The following CCDC50 variants were observed in gnomAD, a reference collection of about 807,000 sequenced individuals.
CCDC50 encodes coiled-coil domain-containing protein 50.
In CCDC50, 54 loss-of-function variants were observed where a neutral mutation model predicts 70.2. The ratio of observed to expected loss-of-function variants is 0.77; its 90% CI spans 0.62 to 0.96. The LOEUF (loss-of-function observed/expected upper bound fraction) is 0.96, where lower values mean the gene tolerates loss of function less well. Ranked by LOEUF, CCDC50 falls within the 50% of genes least tolerant of loss-of-function variation. The probability of loss-of-function intolerance (pLI) is 0.00; values close to 1 mark genes in which losing one functional copy is unlikely to be tolerated. For synonymous variants in CCDC50, 216 were observed against 198.8 expected (o/e 1.09, Z -0.73); for missense variants, 558 against 578.7 (o/e 0.96, Z 0.37).
At chr3:191,331,342 G>C (rs533094504) in intron 1 of CCDC50, among the ~76,000 whole-genome samples, 2 of 152,176 alleles carry the variant, frequency 1.3e-5, no homozygotes, top group East Asian at 3.9e-4. Flanking sequence ...TTACCCTTAG[G>C]TCTTCTGATT....
intron 1 of CCDC50, among the ~76,000 whole-genome samples, chr3:191,354,570 A>C (rs1712212903): frequency 6.6e-6 from 1 of 152,200 alleles, no homozygotes; most frequent in Admixed American, 6.5e-5. Context: ...TGACCTAATA[A>C]CATAAATTGA....
rs781025348 is a variant in CCDC50, at chr3:191,389,611, AGTAT to A, written c.1429+15_1429+18del. On this transcript the variant is annotated intron_variant, in intron 11 of 11. Coordinates refer to ENST00000392455, the MANE Select transcript of CCDC50 (RefSeq NM_178335.3). ...AGAGTCCTCTCATAAAGGTAAGAAGAGTATGTATGGTCAAGTTTAGGATCTTCTT... is the reference window on the plus strand; with the variant it reads ...AGAGTCCTCTCATAAAGGTAAGAAGAGTATGGTCAAGTTTAGGATCTTCTT... The A allele has an allele frequency of 6.3e-6, 10 of 1,588,250 alleles. No individual in the cohort carries two copies. The highest frequency in any genetic ancestry group is 7.8e-6 in the Non-Finnish European group (9 of 1,156,450).
chr3:191,395,836 C>T lies in CCDC50; in HGVS notation c.*4076C>T, dbSNP rs1397512330. The T allele has an allele frequency of 1.3e-5, 2 of 152,136 alleles. No individual in the cohort carries two copies. The highest frequency in any genetic ancestry group is 2.4e-5 in the African/African-American group (1 of 41,440). 9.4% of individuals were successfully genotyped at this position (152,136 alleles called of 1,614,324 possible). A position where few individuals can be genotyped will look rare whatever the true frequency, so the allele number is the denominator to read the frequency against. ...TGACTATATAAAATGGTCCAATTTT[C>T]TCATTTCTGGTGGTGCCTGTGAGTC... On this transcript the variant is annotated 3_prime_UTR_variant, in exon 12 of 12. Coordinates refer to ENST00000392455, the MANE Select transcript of CCDC50 (RefSeq NM_178335.3).
chr3:191,381,776 T>G (rs1311206638), intron 9 of CCDC50, among the ~76,000 whole-genome samples: 1 of 152,096 alleles, frequency 6.6e-6, no homozygotes, highest in Non-Finnish European at 1.5e-5. Context: ...GAAACCTAGG[T>G]TGTGTATTCC....
intron 7 of CCDC50, 132 bp downstream of exon 7, chr3:191,380,406 A>G (rs1713277050): frequency 2.7e-6 from 2 of 737,174 alleles, no homozygotes; most frequent in African/African-American, 1.8e-5. Context: ...AAAAATCATG[A>G]CAATAGGAAT....
At chr3:191,378,920 G>C (rs961815556) in intron 6 of CCDC50, among the ~76,000 whole-genome samples, 1 of 152,028 alleles carries the variant, frequency 6.6e-6, no homozygotes, top group African/African-American at 2.4e-5. Flanking sequence ...ATACAGATGT[G>C]TATGAGTCTG....
intron 1 of CCDC50, among the ~76,000 whole-genome samples, chr3:191,356,351 C>T (rs921838165): frequency 6.6e-6 from 1 of 152,162 alleles, no homozygotes; most frequent in African/African-American, 2.4e-5. Flanking sequence ...GAAGACAGGT[C>T]AGGAAATGCC....
intron 3 of CCDC50, among the ~76,000 whole-genome samples, chr3:191,359,914 C>G (rs1712423656): frequency 6.6e-6 from 1 of 152,054 alleles, no homozygotes. Context: ...ACAAACCACT[C>G]AAATATAAAT....
chr3:191,381,228 G>A (rs1464621502), intron 9 of CCDC50, among the ~76,000 whole-genome samples: 1 of 152,104 alleles, frequency 6.6e-6, no homozygotes, highest in Non-Finnish European at 1.5e-5. Context: ...ACAGTACTTT[G>A]ATTATAGAAG....
At chr3:191,384,442 T>C (rs1288839983) in intron 10 of CCDC50, among the ~76,000 whole-genome samples, 1 of 135,774 alleles carries the variant, frequency 7.4e-6, no homozygotes, top group Admixed American at 7.5e-5. Context: ...CATTTAATCA[T>C]GATGGAAAAG....
chr3:191,330,296 A>AACACAC (rs3048670), intron 1 of CCDC50: 4,398 of 137,102 alleles, frequency 0.032, 82 homozygotes, highest in South Asian at 0.07. Context: ...TTACAAACAA[A>AACACAC]ACACACACAC....
rs1033257630 is a variant in CCDC50, at chr3:191,348,718, G to A, written c.50-8370G>A. Among the ~76,000 whole-genome samples the A allele has an allele frequency of 4.2e-5, 6 of 142,072 alleles. No homozygotes were observed. In the East Asian group the frequency reaches 7.7e-4, roughly 18 times the overall value. The allele number at this position is 142,072 out of a possible 152,430, so 93.2% of individuals were successfully genotyped here. A position where few individuals can be genotyped will look rare whatever the true frequency, so the allele number is the denominator to read the frequency against. On this transcript the variant is annotated intron_variant, in intron 1 of 11. Transcript: ENST00000392455. ...ACTAGTAACAAAATAAATGAAGATGGAACACCTATGTAGATTATTTGCTTA... is the reference window on the plus strand; with the variant it reads ...ACTAGTAACAAAATAAATGAAGATGAAACACCTATGTAGATTATTTGCTTA...
Position 191,391,838 on chromosome 3 carries a change from CTT to C in CCDC50, c.*84_*85del. The stretch of plus-strand genomic sequence containing the variant: ...TGATACAGAATGAATTCTACACTTA[CTT>C]TTTTTCTCCTGTGTTTGCATTCCTG... On this transcript the variant is annotated 3_prime_UTR_variant, in exon 12 of 12. Transcript: ENST00000392455. 7.6e-7 allele frequency: 1 copy of C among 1,307,698 alleles called. No individual in the cohort carries two copies. Among genetic ancestry groups the C allele is most frequent in the Non-Finnish European group, 1.1e-6 (1 of 912,802 alleles). The allele number at this position is 1,307,698 out of a possible 1,614,324, so 81.0% of individuals were successfully genotyped here. A position where few individuals can be genotyped will look rare whatever the true frequency, so the allele number is the denominator to read the frequency against.
At chr3:191,366,846 A>C (rs1185196616) in intron 4 of CCDC50, among the ~76,000 whole-genome samples, 1 of 152,034 alleles carries the variant, frequency 6.6e-6, no homozygotes, top group Non-Finnish European at 1.5e-5. Context: ...ACAGGAAGGA[A>C]GCTGAGGACC....
At chr3:191,344,836 C>G (rs1711855223) in intron 1 of CCDC50, among the ~76,000 whole-genome samples, 1 of 152,226 alleles carries the variant, frequency 6.6e-6, no homozygotes, top group African/African-American at 2.4e-5. Flanking sequence ...ACCTCGGCAT[C>G]CCAAAGTGCT....
At chr3:191,360,927 C>T in intron 3 of CCDC50, 142 bp from the exon 4 acceptor site, 1 of 639,346 alleles carries the variant, frequency 1.6e-6, no homozygotes, top group Non-Finnish European at 2.8e-6. Flanking sequence ...GTGTCAGCCT[C>T]TTTGCATCTT....
chr3:191,368,095 TAAAG>T (rs1712762831), intron 4 of CCDC50, among the ~76,000 whole-genome samples: 1 of 152,038 alleles, frequency 6.6e-6, no homozygotes, highest in South Asian at 2.1e-4. Flanking sequence ...ATTGTACAGA[TAAAG>T]AATTGAAGTT....
At position 191,393,028 on chromosome 3, in the gene CCDC50, A is replaced by G. The variant is rs1045574586; in HGVS notation, c.*1268A>G. 6.6e-6 allele frequency: 1 copy of G among 152,278 alleles called. No homozygotes were observed. The highest frequency in any genetic ancestry group is 1.5e-5 in the Non-Finnish European group (1 of 68,140). The allele number at this position is 152,278 out of a possible 1,614,324, so 9.4% of individuals were successfully genotyped here. A position where few individuals can be genotyped will look rare whatever the true frequency, so the allele number is the denominator to read the frequency against. On this transcript the variant is annotated 3_prime_UTR_variant, in exon 12 of 12. Transcript: ENST00000392455. ...GCTGGGATTACAGGCTTAAGCCACCATGTCCAGCCAGCCAAGTATTTGGTT... is the reference window on the plus strand; with the variant it reads ...GCTGGGATTACAGGCTTAAGCCACCGTGTCCAGCCAGCCAAGTATTTGGTT...
chr3:191,346,453 G>T (rs940517143), intron 1 of CCDC50, among the ~76,000 whole-genome samples: 2 of 152,132 alleles, frequency 1.3e-5, no homozygotes, highest in African/African-American at 4.8e-5. Flanking sequence ...TTCAAATATA[G>T]TCAGGGTATC....
Sources: allele counts gnomAD v4.1 joint callset (sites outside exome capture counted in the v4.1 genomes callset), GRCh38; gene constraint gnomAD v4.1.1; transcripts MANE v1.5; gene names NCBI Gene and HGNC (gene_info 2026-07-23, HGNC 2026-07-21).